MGMT: variants seen among roughly 807,000 people sequenced by gnomAD.
MGMT encodes the protein O-6-methylguanine-DNA methyltransferase.
MGMT carries 14 observed loss-of-function variants against 15.9 expected under a neutral mutation model. That is an observed-to-expected ratio of 0.88 (90% CI 0.58 to 1.37). The LOEUF (loss-of-function observed/expected upper bound fraction) is 1.37. Ranked by LOEUF, MGMT falls within the 40% of genes most tolerant of loss-of-function variation. The pLI is 0.00. For synonymous variants in MGMT, 130 were observed against 118.2 expected (o/e 1.10, Z -0.65); for missense variants, 282 against 268.1 (o/e 1.05, Z -0.36).
At chr10:129,617,259 T>G (rs1847038436) in intron 2 of MGMT, among the ~76,000 whole-genome samples, 1 of 152,168 alleles carries the variant, frequency 6.6e-6, no homozygotes, top group Non-Finnish European at 1.5e-5. Context: ...GCAAATGATC[T>G]CATTCTTTTA....
intron 2 of MGMT, among the ~76,000 whole-genome samples, chr10:129,562,160 C>T (rs548896620): frequency 6.6e-6 from 1 of 152,280 alleles, no homozygotes; most frequent in East Asian, 1.9e-4. Flanking sequence ...AAATTATATA[C>T]CATTCATGAC....
intron 1 of MGMT, among the ~76,000 whole-genome samples, chr10:129,506,838 C>A (rs1038013720): frequency 1.1e-4 from 16 of 151,770 alleles, no homozygotes; most frequent in Admixed American, 2.0e-4. Flanking sequence ...AACTCCTCCT[C>A]CTATGAAACT....
intron 3 of MGMT, among the ~76,000 whole-genome samples, chr10:129,737,059 G>T (rs1287442877): frequency 1.3e-5 from 2 of 151,928 alleles, no homozygotes; most frequent in South Asian, 2.1e-4. Flanking sequence ...TTCTCGAGGA[G>T]TATCTTTGTG....
intron 1 of MGMT, among the ~76,000 whole-genome samples, chr10:129,494,357 C>T (rs1446887487): frequency 1.3e-5 from 2 of 152,188 alleles, no homozygotes; most frequent in African/African-American, 2.4e-5. Flanking sequence ...TTCCTAACCA[C>T]GTGGAGCTCA....
chr10:129,766,413 G>A (rs959085375), intron 4 of MGMT, among the ~76,000 whole-genome samples: 3 of 152,210 alleles, frequency 2.0e-5, no homozygotes, highest in Non-Finnish European at 2.9e-5. Context: ...GTTTGAGAGC[G>A]TCACATACCA....
At chr10:129,687,566 C>T (rs913467894) in intron 2 of MGMT, among the ~76,000 whole-genome samples, 1 of 152,182 alleles carries the variant, frequency 6.6e-6, no homozygotes, top group Non-Finnish European at 1.5e-5. Flanking sequence ...GGTAGCTCCA[C>T]CCCGTCCTCC....
intron 2 of MGMT, among the ~76,000 whole-genome samples, chr10:129,703,994 G>A (rs886254184): frequency 2.0e-5 from 3 of 152,186 alleles, no homozygotes; most frequent in Middle Eastern, 3.4e-3. Flanking sequence ...GGAGGGAGCC[G>A]GGGCTAACCC....
intron 3 of MGMT, among the ~76,000 whole-genome samples, chr10:129,728,685 C>T (rs530303155): frequency 6.6e-6 from 1 of 152,156 alleles, no homozygotes; most frequent in Admixed American, 6.5e-5. Flanking sequence ...GGTCTCAGCA[C>T]CAGCGTTGCC....
intron 2 of MGMT, among the ~76,000 whole-genome samples, chr10:129,579,417 C>T (rs894223016): frequency 7.9e-5 from 12 of 152,208 alleles, no homozygotes; most frequent in African/African-American, 2.7e-4. Context: ...TGCTCATCCC[C>T]GGATCATGGC....
At chr10:129,544,093 C>G (rs1240018300) in intron 2 of MGMT, among the ~76,000 whole-genome samples, 1 of 152,178 alleles carries the variant, frequency 6.6e-6, no homozygotes, top group Non-Finnish European at 1.5e-5. Context: ...GGCTTCACCT[C>G]TGTTCGGCTC....
chr10:129,690,655 A>G (rs917309601), intron 2 of MGMT, among the ~76,000 whole-genome samples: 2 of 152,198 alleles, frequency 1.3e-5, no homozygotes, highest in Admixed American at 1.3e-4. Flanking sequence ...GGTGCCATGC[A>G]CTTGTCTGAG....
At chr10:129,506,547 G>A (rs1323839380) in intron 1 of MGMT, among the ~76,000 whole-genome samples, 1 of 152,032 alleles carries the variant, frequency 6.6e-6, no homozygotes, top group African/African-American at 2.4e-5. Context: ...GGCATCCAGG[G>A]GGCATTTATG....
chr10:129,528,440 G>C (rs1489495691), intron 1 of MGMT, among the ~76,000 whole-genome samples: 2 of 151,882 alleles, frequency 1.3e-5, no homozygotes, highest in African/African-American at 2.4e-5. Flanking sequence ...AGTGGCCACT[G>C]TGCAGGCTGG....
chr10:129,646,719 A>AATATATACAT (rs1847393057), intron 2 of MGMT, among the ~76,000 whole-genome samples: 1 of 81,718 alleles, frequency 1.2e-5, no homozygotes, highest in African/African-American at 4.7e-5. Flanking sequence ...GCCCATCAGA[A>AATATATACAT]ATATATATAT....
chr10:129,598,538 T>C (rs1315755837), intron 2 of MGMT, among the ~76,000 whole-genome samples: 1 of 151,694 alleles, frequency 6.6e-6, no homozygotes, highest in Non-Finnish European at 1.5e-5. Flanking sequence ...TGGAAAACTG[T>C]GCTCCGGAAT....
At chr10:129,705,699 C>G (rs1475540888) in intron 2 of MGMT, among the ~76,000 whole-genome samples, 2 of 152,188 alleles carry the variant, frequency 1.3e-5, no homozygotes, top group South Asian at 2.1e-4. Context: ...TCTAAAACAG[C>G]CTCCAATTCT....
chr10:129,625,945 T>A (rs1361896406), intron 2 of MGMT, among the ~76,000 whole-genome samples: 1 of 152,234 alleles, frequency 6.6e-6, no homozygotes, highest in Non-Finnish European at 1.5e-5. Flanking sequence ...AATATTTTAG[T>A]CTTGATTAGA....
chr10:129,548,381 A>G (rs1336692564), intron 2 of MGMT, among the ~76,000 whole-genome samples: 4 of 152,200 alleles, frequency 2.6e-5, no homozygotes, highest in African/African-American at 9.6e-5. Flanking sequence ...GCCTCCTCCA[A>G]ATAGTGGTTT....
chr10:129,568,582 T>C (rs944905165), intron 2 of MGMT, among the ~76,000 whole-genome samples: 1 of 152,188 alleles, frequency 6.6e-6, no homozygotes, highest in Non-Finnish European at 1.5e-5. Context: ...ATTTTAGAAA[T>C]ATGTCATTGG....
Sources: allele counts gnomAD v4.1 joint callset (sites outside exome capture counted in the v4.1 genomes callset), GRCh38; gene constraint gnomAD v4.1.1; transcripts MANE v1.5; gene names NCBI Gene and HGNC (gene_info 2026-07-23, HGNC 2026-07-21).